Variants in SLC28A1 observed in about 807,000 individuals in gnomAD.
The protein encoded by SLC28A1 is sodium/nucleoside cotransporter 1.
SLC28A1 carries 64 observed loss-of-function variants against 74.8 expected under a neutral mutation model. The observed-to-expected ratio is 0.86, with a 90% confidence interval of 0.70 to 1.05. The LOEUF (loss-of-function observed/expected upper bound fraction) is 1.05. Among genes scored for constraint, SLC28A1 ranks in the 50% least tolerant of loss-of-function variants. The pLI, the probability that SLC28A1 is intolerant of heterozygous loss-of-function variation, is 0.00. For synonymous variants in SLC28A1, 359 were observed against 335.0 expected, an observed-to-expected ratio of 1.07 and a Z score of -0.78; for missense variants, 828 against 822.8, an observed-to-expected ratio of 1.01 and a Z score of -0.08.
At chr15:84,960,002 A>C in the SLC28A1 span, among the ~76,000 whole-genome samples, 2 of 152,024 alleles carry the variant, frequency 1.3e-5, no homozygotes, top group Non-Finnish European at 2.9e-5. Context: ...AATGGGGGGA[A>C]CTCTTGGATT....
chr15:84,926,156 A>C (rs772367741), intron 12 of SLC28A1, among the ~76,000 whole-genome samples: 1 of 149,782 alleles, frequency 6.7e-6, no homozygotes, highest in African/African-American at 2.4e-5. Flanking sequence ...AGAGCAATTA[A>C]AAATATTTAT....
At chr15:84,889,297 C>T (rs1479070783) in intron 4 of SLC28A1, among the ~76,000 whole-genome samples, 1 of 152,230 alleles carries the variant, frequency 6.6e-6, no homozygotes, top group Non-Finnish European at 1.5e-5. Context: ...ATGGCATAGG[C>T]AGCGAGTGTC....
intron 9 of SLC28A1, among the ~76,000 whole-genome samples, chr15:84,914,327 C>T (rs967713403): frequency 1.3e-5 from 2 of 152,180 alleles, no homozygotes; most frequent in Non-Finnish European, 2.9e-5. Flanking sequence ...CTCCTAATAC[C>T]ATCACCTAGG....
chr15:84,945,977 A>G (rs567385287), downstream of SLC28A1, among the ~76,000 whole-genome samples: 1 of 149,000 alleles, frequency 6.7e-6, no homozygotes, highest in South Asian at 2.2e-4. Context: ...CTCCCACCTC[A>G]GCCTCCTAAG....
intron 11 of SLC28A1, among the ~76,000 whole-genome samples, chr15:84,922,051 T>A (rs1969891011): frequency 6.6e-6 from 1 of 152,000 alleles, no homozygotes; most frequent in African/African-American, 2.4e-5. Flanking sequence ...ACGCCTCATT[T>A]CCCCCAAGAG....
At chr15:84,956,611 G>C in the SLC28A1 span, among the ~76,000 whole-genome samples, 8 of 150,594 alleles carry the variant, frequency 5.3e-5, no homozygotes, top group Non-Finnish European at 1.2e-4. Context: ...TCCCACCTCA[G>C]CCTCCTGAGT....
At chr15:84,919,225 T>A (rs1372797541) in intron 10 of SLC28A1, among the ~76,000 whole-genome samples, 1 of 152,244 alleles carries the variant, frequency 6.6e-6, no homozygotes, top group East Asian at 1.9e-4. Flanking sequence ...TGTCAGATCC[T>A]GTGCTTATGT....
At chr15:84,951,317 G>A in the SLC28A1 span, among the ~76,000 whole-genome samples, 1 of 151,954 alleles carries the variant, frequency 6.6e-6, no homozygotes, top group Non-Finnish European at 1.5e-5. Flanking sequence ...GGCACCTGTA[G>A]TCCCAGCTGC....
At chr15:84,887,587 G>C (rs1178288518) in intron 2 of SLC28A1, 158 bp from the exon 3 acceptor site, 3 of 985,266 alleles carry the variant, frequency 3.0e-6, no homozygotes, top group African/African-American at 3.5e-5. Flanking sequence ...ACAAGGAGGG[G>C]TGAGCTCTGG....
chr15:84,960,194 T>C, the SLC28A1 span, among the ~76,000 whole-genome samples: 4 of 145,944 alleles, frequency 2.7e-5, no homozygotes, highest in African/African-American at 1.0e-4. Context: ...TTCTTTAAAA[T>C]ACAGAACATT....
downstream of SLC28A1, among the ~76,000 whole-genome samples, chr15:84,948,164 T>G (rs563638741): frequency 2.6e-4 from 40 of 152,236 alleles, no homozygotes; most frequent in Non-Finnish European, 4.1e-4. Context: ...GGCCCTGCCC[T>G]CACCTCTGCT....
chr15:84,965,912 A>AG, the SLC28A1 span, among the ~76,000 whole-genome samples: 1 of 142,434 alleles, frequency 7.0e-6, no homozygotes, highest in African/African-American at 2.8e-5. Flanking sequence ...GAGGGGGGGG[A>AG]AATATTAGGC....
chr15:84,897,780 C>T (rs1434046268), intron 6 of SLC28A1, among the ~76,000 whole-genome samples: 1 of 152,186 alleles, frequency 6.6e-6, no homozygotes, highest in Non-Finnish European at 1.5e-5. Context: ...ACTCGTCATC[C>T]CGCCTCCCTC....
chr15:84,905,992 G>A (rs1279272335), intron 8 of SLC28A1, among the ~76,000 whole-genome samples: 12 of 148,564 alleles, frequency 8.1e-5, no homozygotes, highest in Admixed American at 1.3e-4. Context: ...TAAAAATAAC[G>A]TTTATTGAAG....
At chr15:84,910,771 ACT>A (rs1968080203) in intron 9 of SLC28A1, among the ~76,000 whole-genome samples, 3 of 152,010 alleles carry the variant, frequency 2.0e-5, no homozygotes, top group Middle Eastern at 6.8e-3. Flanking sequence ...CACACCCGAC[ACT>A]CTGCAGTTCA....
At position 84,909,234 on chromosome 15, in the gene SLC28A1, C is replaced by T. The variant is rs545515141; in HGVS notation, c.795+439C>T. 2.0e-5 allele frequency among the ~76,000 whole-genome samples: 3 copies of T among 152,166 alleles called. No homozygotes were observed. The South Asian group carries it at 6.2e-4, about 32-fold the overall frequency. On this transcript the variant is annotated intron_variant, in intron 9 of 18. Coordinates refer to ENST00000394573, the MANE Select transcript of SLC28A1 (RefSeq NM_004213.5). ...CCTCTCAGGCGCTCCTCCTTCAGGG[C>T]CCCTCACAGGCCACCTCTGCCAGGA...
At chr15:84,961,182 G>A in the SLC28A1 span, among the ~76,000 whole-genome samples, 10 of 152,204 alleles carry the variant, frequency 6.6e-5, no homozygotes, top group East Asian at 1.2e-3. Flanking sequence ...ATGCAAGGCC[G>A]TGCTCTGAAC....
At chr15:84,924,190 C>A in intron 12 of SLC28A1, 80 bp downstream of exon 12, 1 of 1,487,384 alleles carries the variant, frequency 6.7e-7, no homozygotes, top group Non-Finnish European at 9.3e-7. Context: ...AGCTCCTGGC[C>A]AGAGCAGCCC....
chr15:84,914,621 T>G (rs1968820186), intron 9 of SLC28A1, among the ~76,000 whole-genome samples: 2 of 152,212 alleles, frequency 1.3e-5, no homozygotes, highest in Admixed American at 1.3e-4. Flanking sequence ...TGAGGATTCA[T>G]GAGTCCCCAC....
Sources: gnomAD v4.1 joint callset for allele counts (sites outside exome capture counted in the v4.1 genomes callset) on GRCh38, gnomAD v4.1.1 for gene constraint, MANE v1.5 for transcripts, NCBI Gene and HGNC (gene_info 2026-07-23, HGNC 2026-07-21) for gene names.